Variants in NKAIN2 observed in about 807,000 individuals in gnomAD.
NKAIN2 encodes sodium/potassium transporting ATPase interacting 2.
NKAIN2 carries 14 observed loss-of-function variants against 32.6 expected under a neutral mutation model. That is an observed-to-expected ratio of 0.43 (90% CI 0.28 to 0.67). The LOEUF (loss-of-function observed/expected upper bound fraction) is 0.67. NKAIN2 is among the 30% of genes least tolerant of loss of function. NKAIN2 has a pLI of 0.17. For synonymous variants in NKAIN2, 80 were observed against 87.2 expected (o/e 0.92, Z 0.46); for missense variants, 198 against 258.3 (o/e 0.77, Z 1.60).
intron 4 of NKAIN2, among the ~76,000 whole-genome samples, chr6:124,685,359 G>A (rs1353929680): frequency 1.3e-5 from 2 of 152,168 alleles, no homozygotes; most frequent in African/African-American, 4.8e-5. Flanking sequence ...AATTTGAAAT[G>A]TAATTGCTTA....
At chr6:124,074,918 A>G (rs536415061) in intron 1 of NKAIN2, among the ~76,000 whole-genome samples, 4 of 152,296 alleles carry the variant, frequency 2.6e-5, no homozygotes, top group Admixed American at 2.0e-4. Flanking sequence ...TTGAGAACAA[A>G]ATCTATTTAG....
chr6:124,131,304 C>G (rs1056928886), intron 1 of NKAIN2, among the ~76,000 whole-genome samples: 3 of 152,246 alleles, frequency 2.0e-5, no homozygotes, highest in Admixed American at 2.0e-4. Context: ...GCCGCCACGT[C>G]TGGCTATTTT....
At chr6:124,187,464 G>A (rs1019661078) in intron 1 of NKAIN2, among the ~76,000 whole-genome samples, 1 of 152,020 alleles carries the variant, frequency 6.6e-6, no homozygotes, top group Non-Finnish European at 1.5e-5. Context: ...GTCCAATTGG[G>A]TAGACAGGGC....
chr6:124,373,034 G>A (rs1042126803), intron 3 of NKAIN2, among the ~76,000 whole-genome samples: 6 of 152,126 alleles, frequency 3.9e-5, no homozygotes, highest in Non-Finnish European at 5.9e-5. Flanking sequence ...AACTCTGGCA[G>A]GAGCAAGAGT....
intron 3 of NKAIN2, among the ~76,000 whole-genome samples, chr6:124,474,794 A>G (rs1412185639): frequency 7.9e-6 from 1 of 125,822 alleles, no homozygotes; most frequent in East Asian, 2.6e-4. Context: ...CCCTGTATAT[A>G]TATATACACA....
chr6:124,317,955 G>T (rs1322786239), intron 2 of NKAIN2, among the ~76,000 whole-genome samples: 1 of 151,850 alleles, frequency 6.6e-6, no homozygotes, highest in Non-Finnish European at 1.5e-5. Flanking sequence ...GAAGTTTGCT[G>T]GTTGGATTTG....
chr6:124,443,449 C>T (rs570926612), intron 3 of NKAIN2, among the ~76,000 whole-genome samples: 20 of 152,102 alleles, frequency 1.3e-4, no homozygotes, highest in Non-Finnish European at 4.4e-5. Flanking sequence ...AGAGGCAGTA[C>T]TAATCTGCTC....
intron 3 of NKAIN2, among the ~76,000 whole-genome samples, chr6:124,620,684 TATGGAAC>T (rs1172888697): frequency 1.3e-5 from 2 of 152,204 alleles, no homozygotes; most frequent in Non-Finnish European, 2.9e-5. Context: ...GCCTGTCTCA[TATGGAAC>T]ACTAAGCTTT....
At chr6:124,643,253 C>T (rs1784055019) in intron 3 of NKAIN2, among the ~76,000 whole-genome samples, 1 of 152,170 alleles carries the variant, frequency 6.6e-6, no homozygotes, top group South Asian at 2.1e-4. Flanking sequence ...CTTTCCAATG[C>T]TATTCTATAC....
chr6:124,235,180 G>A (rs541857222), intron 1 of NKAIN2, among the ~76,000 whole-genome samples: 5 of 152,242 alleles, frequency 3.3e-5, no homozygotes, highest in African/African-American at 1.2e-4. Context: ...TCAAAACCAT[G>A]TGCTTCATCT....
intron 3 of NKAIN2, among the ~76,000 whole-genome samples, chr6:124,558,986 G>C (rs1041703911): frequency 6.6e-6 from 1 of 151,790 alleles, no homozygotes; most frequent in East Asian, 1.9e-4. Context: ...AAGAAATCAT[G>C]CTAGGCCTTA....
chr6:123,846,542 G>T (rs184488476), intron 1 of NKAIN2, among the ~76,000 whole-genome samples: 1 of 152,284 alleles, frequency 6.6e-6, no homozygotes, highest in East Asian at 1.9e-4. Flanking sequence ...TTGCATTTTA[G>T]AGGTGATATT....
intron 3 of NKAIN2, among the ~76,000 whole-genome samples, chr6:124,584,630 G>T (rs185856178): frequency 6.9e-6 from 1 of 144,152 alleles, no homozygotes. Context: ...TCCAGCCTGG[G>T]CAACAAGAGC....
At chr6:124,234,161 T>C (rs771443741) in intron 1 of NKAIN2, among the ~76,000 whole-genome samples, 2 of 152,306 alleles carry the variant, frequency 1.3e-5, no homozygotes, top group Non-Finnish European at 2.9e-5. Flanking sequence ...AGCATCAAGA[T>C]TGTCTTACCA....
chr6:124,282,424 C>T (rs713213), intron 1 of NKAIN2, among the ~76,000 whole-genome samples: 21,175 of 151,730 alleles, frequency 0.14, 4,489 homozygotes, highest in African/African-American at 0.46. Flanking sequence ...GGACCCTACA[C>T]ACCTCGTCAA....
chr6:124,812,355 C>A (rs762859189), intron 5 of NKAIN2, among the ~76,000 whole-genome samples: 1 of 152,112 alleles, frequency 6.6e-6, no homozygotes, highest in Non-Finnish European at 1.5e-5. Context: ...TCCTTTACAG[C>A]CTAAAGGGTC....
intron 1 of NKAIN2, among the ~76,000 whole-genome samples, chr6:124,229,493 T>C (rs1035725395): frequency 4.9e-4 from 53 of 107,436 alleles, no homozygotes; most frequent in African/African-American, 1.4e-3. Flanking sequence ...GATAGATAGA[T>C]AGATAGACAG....
chr6:124,380,267 G>A (rs1011478739), intron 3 of NKAIN2, among the ~76,000 whole-genome samples: 5 of 152,154 alleles, frequency 3.3e-5, no homozygotes, highest in Non-Finnish European at 2.9e-5. Context: ...CTATTGTCAA[G>A]ATGCTGAGGT....
At chr6:124,529,781 A>G (rs1779451881) in intron 3 of NKAIN2, among the ~76,000 whole-genome samples, 1 of 152,172 alleles carries the variant, frequency 6.6e-6, no homozygotes, top group South Asian at 2.1e-4. Context: ...TCTTACTTTT[A>G]CTACTCATGT....
Sources: allele counts gnomAD v4.1 joint callset (sites outside exome capture counted in the v4.1 genomes callset), GRCh38; gene constraint gnomAD v4.1.1; transcripts MANE v1.5; gene names NCBI Gene and HGNC (gene_info 2026-07-23, HGNC 2026-07-21).